Variants in CFAP95 observed in about 807,000 individuals in gnomAD.
CFAP95 encodes cilia- and flagella-associated protein 95.
At chr9:69,865,164 C>G in the CFAP95 span, among the ~76,000 whole-genome samples, 1 of 152,158 alleles carries the variant, frequency 6.6e-6, no homozygotes, top group African/African-American at 2.4e-5. Context: ...TCACTCTTCT[C>G]TCTCCTGCTG....
At chr9:69,892,840 C>A in the CFAP95 span, among the ~76,000 whole-genome samples, 1 of 152,142 alleles carries the variant, frequency 6.6e-6, no homozygotes, top group Admixed American at 6.5e-5. Context: ...CAGGGACAGC[C>A]GAACTCCAGG....
the CFAP95 span, chr9:69,858,071 G>A: frequency 8.4e-7 from 1 of 1,193,180 alleles, no homozygotes; most frequent in South Asian, 1.2e-5. Context: ...GTGAGCCAAG[G>A]TCAACAAAAT....
the CFAP95 span, among the ~76,000 whole-genome samples, chr9:69,823,855 C>G: frequency 5.3e-5 from 8 of 152,202 alleles, no homozygotes; most frequent in Admixed American, 5.2e-4. Flanking sequence ...GCTTTTTGAG[C>G]CAGGATGAGC....
chr9:69,894,912 G>T, the CFAP95 span, among the ~76,000 whole-genome samples: 5 of 150,930 alleles, frequency 3.3e-5, no homozygotes, highest in Non-Finnish European at 5.9e-5. Flanking sequence ...ACATACAAAA[G>T]ATTAGTTGGG....
chr9:69,838,339 C>G, the CFAP95 span, among the ~76,000 whole-genome samples: 3 of 151,360 alleles, frequency 2.0e-5, no homozygotes, highest in Non-Finnish European at 2.9e-5. Context: ...GCCATTTTCA[C>G]GATATTGATT....
the CFAP95 span, among the ~76,000 whole-genome samples, chr9:69,904,246 T>C: frequency 6.6e-6 from 1 of 152,244 alleles, no homozygotes; most frequent in African/African-American, 2.4e-5. Flanking sequence ...ATCACCAGTA[T>C]ACTTTTCTGT....
the CFAP95 span, among the ~76,000 whole-genome samples, chr9:69,865,516 ATAT>A: frequency 7.4e-4 from 113 of 152,102 alleles, 2 homozygotes; most frequent in Non-Finnish European, 1.0e-4. Context: ...TGACTAGGCC[ATAT>A]TATGGATGGC....
At chr9:69,833,367 G>A in the CFAP95 span, among the ~76,000 whole-genome samples, 3 of 151,944 alleles carry the variant, frequency 2.0e-5, no homozygotes, top group South Asian at 6.2e-4. Context: ...TTAATAATAC[G>A]TCATTATGTA....
chr9:69,827,576 T>A, the CFAP95 span, among the ~76,000 whole-genome samples: 1 of 152,148 alleles, frequency 6.6e-6, no homozygotes, highest in Non-Finnish European at 1.5e-5. Flanking sequence ...GGGGCTGAGG[T>A]TATGTGACAT....
chr9:69,847,242 A>G, the CFAP95 span, among the ~76,000 whole-genome samples: 2 of 152,164 alleles, frequency 1.3e-5, no homozygotes, highest in African/African-American at 2.4e-5. Context: ...TATTGATGCA[A>G]TAGGATCAAT....
At chr9:69,859,210 G>T in the CFAP95 span, among the ~76,000 whole-genome samples, 3 of 151,976 alleles carry the variant, frequency 2.0e-5, no homozygotes, top group Admixed American at 6.6e-5. Context: ...TGGATTTCTT[G>T]TCCTGATCCT....
chr9:69,854,425 G>C, the CFAP95 span, among the ~76,000 whole-genome samples: 1 of 152,188 alleles, frequency 6.6e-6, no homozygotes, highest in Non-Finnish European at 1.5e-5. Flanking sequence ...CTAGTATGAT[G>C]CCTGGCACTT....
At chr9:69,889,193 C>A in the CFAP95 span, among the ~76,000 whole-genome samples, 2 of 152,132 alleles carry the variant, frequency 1.3e-5, no homozygotes, top group African/African-American at 4.8e-5. Context: ...AAAATGGAAA[C>A]CGTATTTGTA....
At chr9:69,880,373 T>C in the CFAP95 span, among the ~76,000 whole-genome samples, 1 of 152,142 alleles carries the variant, frequency 6.6e-6, no homozygotes, top group Non-Finnish European at 1.5e-5. Context: ...GTTGTTTTGG[T>C]TTGTAGATCC....
chr9:69,877,817 C>T, the CFAP95 span, among the ~76,000 whole-genome samples: 1 of 152,194 alleles, frequency 6.6e-6, no homozygotes, highest in Non-Finnish European at 1.5e-5. Flanking sequence ...ATTTTCTAGG[C>T]TCTCTAGTGC....
At chr9:69,857,903 T>G in the CFAP95 span, 1 of 1,613,210 alleles carries the variant, frequency 6.2e-7, no homozygotes, top group South Asian at 1.1e-5. Flanking sequence ...TGTTATCTTG[T>G]TTTAGGGTCA....
the CFAP95 span, among the ~76,000 whole-genome samples, chr9:69,873,998 A>T: frequency 6.6e-6 from 1 of 152,216 alleles, no homozygotes; most frequent in Admixed American, 6.5e-5. Context: ...TGCCTTATAA[A>T]GTATATAATA....
chr9:69,883,830 AAC>A, the CFAP95 span, among the ~76,000 whole-genome samples: 2,501 of 13,148 alleles, frequency 0.19, 76 homozygotes, highest in African/African-American at 0.2. Flanking sequence ...TTTAAAAAAA[AAC>A]AATTAAAAAA....
the CFAP95 span, among the ~76,000 whole-genome samples, chr9:69,826,693 A>G: frequency 1.3e-5 from 2 of 152,190 alleles, no homozygotes; most frequent in Non-Finnish European, 2.9e-5. Context: ...AAACAGCACA[A>G]AATTTGACGG....
Sources: gnomAD v4.1 joint callset for allele counts (sites outside exome capture counted in the v4.1 genomes callset) on GRCh38, gnomAD v4.1.1 for gene constraint, MANE v1.5 for transcripts, NCBI Gene and HGNC (gene_info 2026-07-23, HGNC 2026-07-21) for gene names.